Variants in ROBO2 observed in about 807,000 individuals in gnomAD.
The protein encoded by ROBO2 is roundabout guidance receptor 2.
In ROBO2, 53 loss-of-function variants were observed where a neutral mutation model predicts 160.8. The ratio of observed to expected loss-of-function variants is 0.33; its 90% CI spans 0.26 to 0.41. The LOEUF is 0.41. Ranked by LOEUF, ROBO2 falls within the 10% of genes least tolerant of loss-of-function variation. The pLI is 1.00. For missense variants in ROBO2, 1,577 were observed against 1,722.4 expected (o/e 0.92, Z 1.49); for synonymous variants, 664 against 611.7 (o/e 1.09, Z -1.26).
chr3:76,307,457 CT>C, intron 2 of ROBO2, among the ~76,000 whole-genome samples: 1 of 151,312 alleles, frequency 6.6e-6, no homozygotes, highest in African/African-American at 2.4e-5. Context: ...CTGGGGCCTT[CT>C]TTTTCTTCAT....
chr3:76,071,429 C>G (rs1212123013), intron 2 of ROBO2, among the ~76,000 whole-genome samples: 1 of 152,106 alleles, frequency 6.6e-6, no homozygotes, highest in African/African-American at 2.4e-5. Flanking sequence ...TTTATAATAT[C>G]CTATATTAAG....
chr3:77,419,026 A>T (rs761308101), intron 2 of ROBO2, among the ~76,000 whole-genome samples: 46 of 152,086 alleles, frequency 3.0e-4, no homozygotes, highest in Non-Finnish European at 5.0e-4. Context: ...GAAGTCAGAA[A>T]TCAAGGTTTG....
At chr3:77,367,180 T>A (rs564298871) in intron 2 of ROBO2, among the ~76,000 whole-genome samples, 1 of 152,122 alleles carries the variant, frequency 6.6e-6, no homozygotes, top group African/African-American at 2.4e-5. Flanking sequence ...GACCACCAGG[T>A]TACCGTATGA....
chr3:76,510,127 A>G (rs1299487980), intron 2 of ROBO2, among the ~76,000 whole-genome samples: 1 of 152,206 alleles, frequency 6.6e-6, no homozygotes, highest in Non-Finnish European at 1.5e-5. Flanking sequence ...CATGAGAACA[A>G]GACGTGCATG....
chr3:76,748,394 C>T (rs1270880691), intron 2 of ROBO2, among the ~76,000 whole-genome samples: 1 of 151,270 alleles, frequency 6.6e-6, no homozygotes, highest in Admixed American at 6.6e-5. Flanking sequence ...AGATAAAAAT[C>T]ACAAAAAATA....
chr3:76,743,162 A>G (rs1318484424), intron 2 of ROBO2, among the ~76,000 whole-genome samples: 1 of 152,102 alleles, frequency 6.6e-6, no homozygotes, highest in Non-Finnish European at 1.5e-5. Context: ...CTGTGATTGG[A>G]TAACTTAAGT....
At chr3:76,971,558 A>AT (rs1051761669) in intron 2 of ROBO2, among the ~76,000 whole-genome samples, 4 of 152,178 alleles carry the variant, frequency 2.6e-5, no homozygotes, top group African/African-American at 9.6e-5. Context: ...CTCTAAAAAA[A>AT]AAATAAATAA....
intron 2 of ROBO2, among the ~76,000 whole-genome samples, chr3:76,952,316 CT>C (rs1472284382): frequency 2.0e-5 from 3 of 151,728 alleles, no homozygotes; most frequent in Non-Finnish European, 2.9e-5. Context: ...GAGTTTTGCT[CT>C]TTTTGCCCAG....
chr3:76,806,017 G>T (rs937964608), intron 2 of ROBO2, among the ~76,000 whole-genome samples: 1 of 151,736 alleles, frequency 6.6e-6, no homozygotes, highest in Admixed American at 6.6e-5. Flanking sequence ...GGTTCTGCTT[G>T]AAGGTCTGCT....
intron 2 of ROBO2, among the ~76,000 whole-genome samples, chr3:76,976,348 A>G (rs2059815916): frequency 6.6e-6 from 1 of 152,192 alleles, no homozygotes. Context: ...ACTGAATAAC[A>G]TTTTCACATA....
chr3:75,907,934 G>C (rs894875106), intron 1 of ROBO2, among the ~76,000 whole-genome samples: 2 of 151,244 alleles, frequency 1.3e-5, no homozygotes, highest in South Asian at 4.2e-4. Flanking sequence ...TGGTTTAGAA[G>C]TTTCTTTCTT....
intron 11 of ROBO2, chr3:77,564,551 A>T: frequency 2.3e-6 from 1 of 443,332 alleles, no homozygotes; most frequent in Non-Finnish European, 4.5e-6. Context: ...TTTACTCTGT[A>T]GTCCATTTAT....
chr3:76,452,428 G>GT (rs1000267389), intron 2 of ROBO2, among the ~76,000 whole-genome samples: 5 of 151,932 alleles, frequency 3.3e-5, no homozygotes, highest in Non-Finnish European at 7.4e-5. Flanking sequence ...TGCGGTGTTT[G>GT]TTTTTTTGTC....
chr3:76,235,440 G>C (rs533134500), intron 2 of ROBO2, among the ~76,000 whole-genome samples: 24 of 152,264 alleles, frequency 1.6e-4, no homozygotes, highest in Admixed American at 1.0e-3. Flanking sequence ...GAGGGAGTGT[G>C]GTCCTGCTGA....
At chr3:76,593,082 T>G (rs1199115918) in intron 2 of ROBO2, among the ~76,000 whole-genome samples, 2 of 152,048 alleles carry the variant, frequency 1.3e-5, no homozygotes, top group African/African-American at 4.8e-5. Flanking sequence ...CTGACCATAT[T>G]TCAACATATA....
chr3:76,834,946 T>G (rs2109398626), intron 2 of ROBO2, among the ~76,000 whole-genome samples: 1 of 152,272 alleles, frequency 6.6e-6, no homozygotes, highest in South Asian at 2.1e-4. Flanking sequence ...AAAATAACTT[T>G]GAACATCTGT....
intron 16 of ROBO2, among the ~76,000 whole-genome samples, chr3:77,588,217 A>G (rs1257436185): frequency 6.6e-6 from 1 of 152,064 alleles, no homozygotes; most frequent in Non-Finnish European, 1.5e-5. Flanking sequence ...TGTTTTGTAT[A>G]GTAGTTTTAA....
chr3:77,470,828 A>C (rs369593820), intron 2 of ROBO2, among the ~76,000 whole-genome samples: 8 of 152,304 alleles, frequency 5.3e-5, no homozygotes, highest in Admixed American at 3.3e-4. Context: ...TCGGTCTTCT[A>C]CTGAGAAGTT....
chr3:77,588,634 A>G, intron 16 of ROBO2, 117 bp from the exon 18 acceptor site: 1 of 981,412 alleles, frequency 1.0e-6, no homozygotes, highest in South Asian at 1.4e-5. Context: ...ATAGGCTCAA[A>G]ACTAAACAAG....
Sources: allele counts gnomAD v4.1 joint callset (sites outside exome capture counted in the v4.1 genomes callset), GRCh38; gene constraint gnomAD v4.1.1; transcripts MANE v1.5; gene names NCBI Gene and HGNC (gene_info 2026-07-23, HGNC 2026-07-21).